Variants in SNX29 observed in about 807,000 individuals in gnomAD.
SNX29 encodes sorting nexin 29.
A neutral mutation model predicts 102.1 loss-of-function variants in SNX29; 78 were observed. That is an observed-to-expected ratio of 0.76 (90% CI 0.64 to 0.92). SNX29 has a LOEUF of 0.92. Among genes scored for constraint, SNX29 ranks in the 40% least tolerant of loss-of-function variants. The probability of loss-of-function intolerance (pLI) is 0.00; values close to 1 mark genes in which losing one functional copy is unlikely to be tolerated. For missense variants in SNX29, 1,280 were observed against 1,061.7 expected, an observed-to-expected ratio of 1.21 and a Z score of -2.86; for synonymous variants, 580 against 414.5, an observed-to-expected ratio of 1.40 and a Z score of -4.85.
At chr16:12,455,536 C>T (rs2086499002) in intron 18 of SNX29, among the ~76,000 whole-genome samples, 1 of 152,244 alleles carries the variant, frequency 6.6e-6, no homozygotes, top group African/African-American at 2.4e-5. Flanking sequence ...TGTCTCTTCC[C>T]TCCCTGAGTT....
At chr16:12,296,156 C>T (rs1472134472) in intron 15 of SNX29, among the ~76,000 whole-genome samples, 1 of 152,192 alleles carries the variant, frequency 6.6e-6, no homozygotes, top group Non-Finnish European at 1.5e-5. Flanking sequence ...TGTGCTCTGG[C>T]TCGGGAGGAG....
intron 15 of SNX29, among the ~76,000 whole-genome samples, chr16:12,337,621 T>C (rs1010583306): frequency 1.3e-5 from 2 of 152,158 alleles, no homozygotes; most frequent in African/African-American, 4.8e-5. Context: ...GGATTACAGG[T>C]GTGAGCCACT....
Position 12,569,477 on chromosome 16 carries a change from A to C in SNX29, c.*848A>C, listed in dbSNP as rs986549054. 2.2e-5 allele frequency: 5 copies of C among 231,004 alleles called. No homozygotes were observed. Among genetic ancestry groups the C allele is most frequent in the Non-Finnish European group, 4.3e-5 (5 of 116,726 alleles). 14.3% of individuals were successfully genotyped at this position (231,004 alleles called of 1,614,324 possible). ...AGTCATGAGAGACTTGGGTCAGGGA[A>C]CCACTGCAGAAGGTTCCAGGGTTTT... On this transcript the variant is annotated 3_prime_UTR_variant, in exon 21 of 21. Transcript: ENST00000566228.
chr16:12,051,106 T>C (rs527802151), intron 7 of SNX29, among the ~76,000 whole-genome samples: 3 of 152,206 alleles, frequency 2.0e-5, no homozygotes, highest in East Asian at 3.9e-4. Flanking sequence ...GGTGGGAGTA[T>C]TGCTTGAGGC....
At chr16:12,412,103 G>A (rs1201769018) in intron 18 of SNX29, among the ~76,000 whole-genome samples, 1 of 152,182 alleles carries the variant, frequency 6.6e-6, no homozygotes, top group Non-Finnish European at 1.5e-5. Context: ...TTCAAGGGCG[G>A]TTACATGAGG....
chr16:12,183,350 A>T (rs868801533), intron 13 of SNX29, among the ~76,000 whole-genome samples: 15 of 152,170 alleles, frequency 9.9e-5, no homozygotes, highest in Admixed American at 2.6e-4. Flanking sequence ...AGAAATTTCA[A>T]ACCTGCTGAA....
chr16:12,393,852 A>AT (rs750485840), intron 16 of SNX29, among the ~76,000 whole-genome samples: 57 of 152,130 alleles, frequency 3.7e-4, no homozygotes, highest in East Asian at 5.8e-4. Context: ...ACCTTTGTTG[A>AT]TTTTTTCTAA....
chr16:12,524,877 C>T (rs1490066529), intron 20 of SNX29, 36 bp downstream of exon 20: 5 of 1,597,708 alleles, frequency 3.1e-6, no homozygotes, highest in East Asian at 2.3e-5. Context: ...GCCGCCAGCC[C>T]TGCCAGCATT....
At chr16:12,018,030 C>A (rs1275647498) in intron 3 of SNX29, among the ~76,000 whole-genome samples, 1 of 152,066 alleles carries the variant, frequency 6.6e-6, no homozygotes, top group Non-Finnish European at 1.5e-5. Flanking sequence ...CTCAGCCTCC[C>A]AGGTAGCTGG....
At chr16:12,553,675 C>A (rs990005897) in intron 20 of SNX29, among the ~76,000 whole-genome samples, 1 of 148,572 alleles carries the variant, frequency 6.7e-6, no homozygotes, top group Non-Finnish European at 1.5e-5. Context: ...ACTGCAACCT[C>A]CGCCTCCTGG....
chr16:12,321,924 TGTTA>T (rs1050039365), intron 15 of SNX29, among the ~76,000 whole-genome samples: 31 of 152,066 alleles, frequency 2.0e-4, no homozygotes, highest in African/African-American at 7.5e-4. Flanking sequence ...TTGGGATTTG[TGTTA>T]GTTAGGGCCC....
chr16:12,206,949 T>G (rs1471037872), intron 14 of SNX29, among the ~76,000 whole-genome samples: 1 of 151,662 alleles, frequency 6.6e-6, no homozygotes, highest in African/African-American at 2.4e-5. Context: ...ATGCTACAAA[T>G]GTGCTGACAC....
chr16:12,214,044 G>A (rs2077258193), intron 14 of SNX29, among the ~76,000 whole-genome samples: 1 of 152,152 alleles, frequency 6.6e-6, no homozygotes, highest in Non-Finnish European at 1.5e-5. Context: ...GCTGCAAGAG[G>A]ATCCAGTCCC....
chr16:12,568,109 G>A (rs933992781), intron 20 of SNX29, among the ~76,000 whole-genome samples: 7 of 152,284 alleles, frequency 4.6e-5, no homozygotes, highest in African/African-American at 1.7e-4. Flanking sequence ...TACGCATCTT[G>A]TGTGGCTTTA....
At chr16:12,518,577 G>A (rs564901392) in intron 19 of SNX29, among the ~76,000 whole-genome samples, 93 of 152,294 alleles carry the variant, frequency 6.1e-4, no homozygotes, top group Admixed American at 1.4e-3. Context: ...TGCAAACGTA[G>A]ATATTCCTCC....
chr16:12,071,940 A>G (rs1378783810), intron 10 of SNX29, among the ~76,000 whole-genome samples: 2 of 152,152 alleles, frequency 1.3e-5, no homozygotes, highest in East Asian at 3.8e-4. Flanking sequence ...GCAATTGTGA[A>G]TGGGAGTTCA....
intron 20 of SNX29, among the ~76,000 whole-genome samples, chr16:12,554,248 C>G (rs868138648): frequency 1.3e-5 from 2 of 152,216 alleles, no homozygotes; most frequent in African/African-American, 2.4e-5. Context: ...TCGGCTGCAT[C>G]GTCTCTGCCT....
At chr16:12,192,636 G>A (rs1435883062) in intron 13 of SNX29, among the ~76,000 whole-genome samples, 1 of 150,680 alleles carries the variant, frequency 6.6e-6, no homozygotes, top group Non-Finnish European at 1.5e-5. Context: ...CTCAGCCTCT[G>A]GAGAAGCTGG....
At chr16:12,153,126 T>G (rs1428581221) in intron 13 of SNX29, among the ~76,000 whole-genome samples, 1 of 152,194 alleles carries the variant, frequency 6.6e-6, no homozygotes, top group African/African-American at 2.4e-5. Context: ...AGCTGGGCAC[T>G]GTGGCTCATG....
Sources: gnomAD v4.1 joint callset for allele counts (sites outside exome capture counted in the v4.1 genomes callset) on GRCh38, gnomAD v4.1.1 for gene constraint, MANE v1.5 for transcripts, NCBI Gene and HGNC (gene_info 2026-07-23, HGNC 2026-07-21) for gene names.